The following SNX8 variants were observed in gnomAD, a reference collection of about 807,000 sequenced individuals.
SNX8 encodes sorting nexin 8.
SNX8 carries 25 observed loss-of-function variants against 51.6 expected under a neutral mutation model. The ratio of observed to expected loss-of-function variants is 0.48; its 90% CI spans 0.35 to 0.68. The LOEUF (loss-of-function observed/expected upper bound fraction) is 0.68. Ranked by LOEUF, SNX8 falls within the 30% of genes least tolerant of loss-of-function variation. The probability of loss-of-function intolerance (pLI) is 0.00; values close to 1 mark genes in which losing one functional copy is unlikely to be tolerated. For synonymous variants in SNX8, 324 were observed against 277.0 expected (o/e 1.17, Z -1.68); for missense variants, 695 against 624.0 (o/e 1.11, Z -1.21).
chr7:2,277,891 G>A (rs1383280961), intron 2 of SNX8, among the ~76,000 whole-genome samples: 1 of 152,058 alleles, frequency 6.6e-6, no homozygotes, highest in Non-Finnish European at 1.5e-5. Context: ...TGGGGACGTG[G>A]CTGGGCCAGA....
In SNX8 at chr7:2,253,916, C is replaced by T. The variant is rs56019648; in HGVS notation, c.*1140G>A. ...GCGGGCCTCTTCCAGCACCCCTCCC[C>T]GGCCAGGGAGGGGCGTCAGGCTCCG... On this transcript the variant is annotated 3_prime_UTR_variant, in exon 11 of 11. Transcript: ENST00000222990. 0.068 allele frequency: 10,403 copies of T among 151,986 alleles called. 1,201 individuals are homozygous for T. Among genetic ancestry groups the T allele is most frequent in the African/African-American group, 0.24 (9,754 of 41,458 alleles). 9.4% of individuals were successfully genotyped at this position (151,986 alleles called of 1,614,324 possible). A position where few individuals can be genotyped will look rare whatever the true frequency, so the allele number is the denominator to read the frequency against.
At chr7:2,351,379 C>T (rs2115255061) in intron 1 of SNX8, among the ~76,000 whole-genome samples, 1 of 152,210 alleles carries the variant, frequency 6.6e-6, no homozygotes, top group African/African-American at 2.4e-5. Context: ...TAGTGAGACC[C>T]CATCTCTACA....
intron 1 of SNX8, among the ~76,000 whole-genome samples, chr7:2,293,615 T>C (rs1372250856): frequency 1.3e-5 from 2 of 150,034 alleles, no homozygotes; most frequent in Non-Finnish European, 2.9e-5. Context: ...TGAGCCAAGA[T>C]AGCGCCATTG....
chr7:2,320,167 C>A (rs1796810825), intron 1 of SNX8, among the ~76,000 whole-genome samples: 1 of 151,870 alleles, frequency 6.6e-6, no homozygotes, highest in Non-Finnish European at 1.5e-5. Flanking sequence ...ACCAGCCTGA[C>A]CAACATGAAG....
intron 3 of SNX8, among the ~76,000 whole-genome samples, chr7:2,273,056 A>C (rs1795685743): frequency 6.6e-6 from 1 of 151,538 alleles, no homozygotes; most frequent in African/African-American, 2.4e-5. Context: ...CTGGTCTCGA[A>C]CTCCTGACCT....
intron 1 of SNX8, among the ~76,000 whole-genome samples, chr7:2,301,392 T>C: frequency 6.6e-6 from 1 of 152,196 alleles, no homozygotes; most frequent in East Asian, 1.9e-4. Flanking sequence ...CAGAGGCTTC[T>C]AGGCTTTGTC....
chr7:2,263,107 G>T, intron 7 of SNX8, 123 bp downstream of exon 7: 1 of 1,188,210 alleles, frequency 8.4e-7, no homozygotes, highest in Non-Finnish European at 1.2e-6. Context: ...AACAGAGGGA[G>T]ACTCCTTCTC....
rs1323068660 is a variant in SNX8, at chr7:2,252,270, G to C, written c.*2786C>G. 6.6e-6 allele frequency: 1 copy of C among 152,342 alleles called. No individual in the cohort carries two copies. Among genetic ancestry groups the C allele is most frequent in the Non-Finnish European group, 1.5e-5 (1 of 68,126 alleles). 9.4% of individuals were successfully genotyped at this position (152,342 alleles called of 1,614,324 possible). A position where few individuals can be genotyped will look rare whatever the true frequency, so the allele number is the denominator to read the frequency against. On this transcript the variant is annotated 3_prime_UTR_variant, in exon 11 of 11. Coordinates refer to ENST00000222990, the MANE Select transcript of SNX8 (RefSeq NM_013321.4). ...TAATGACCGGCACAAGCTTGGGCTT[G>C]GGCCGTGGGCAGCAGGAGGGCTGGA...
At chr7:2,313,566 A>G (rs1245350042) in intron 1 of SNX8, among the ~76,000 whole-genome samples, 2 of 151,874 alleles carry the variant, frequency 1.3e-5, no homozygotes, top group African/African-American at 4.8e-5. Context: ...GAAAAAAGAA[A>G]AAGACAGAAA....
In SNX8 at chr7:2,338,453, C is replaced by G. The variant is rs1562462763; in HGVS notation, c.-66+15769G>C. On this transcript the variant is annotated intron_variant, in intron 1 of 5. Coordinates refer to the SNX8 transcript ENST00000435336. ...CTCTAGCCTGGGCGACAGAGAGAGACTGTGTCTCAAAAAAAAAAAAAAAAT... is the reference window on the plus strand; with the variant it reads ...CTCTAGCCTGGGCGACAGAGAGAGAGTGTGTCTCAAAAAAAAAAAAAAAAT... Among the ~76,000 whole-genome samples the G allele has an allele frequency of 3.6e-5, 5 of 140,566 alleles. No homozygotes were observed. In the South Asian group the frequency reaches 9.5e-4, roughly 27 times the overall value. 92.2% of individuals were successfully genotyped at this position (140,566 alleles called of 152,430 possible). A position where few individuals can be genotyped will look rare whatever the true frequency, so the allele number is the denominator to read the frequency against.
intron 1 of SNX8, chr7:2,307,678 G>C (rs1796576858): frequency 6.7e-6 from 1 of 148,452 alleles, no homozygotes; most frequent in Admixed American, 6.8e-5. Flanking sequence ...GACAATGCTG[G>C]AGACCGACAG....
upstream of SNX8, among the ~76,000 whole-genome samples, chr7:2,314,948 G>T (rs1213625024): frequency 1.4e-5 from 2 of 144,232 alleles, no homozygotes; most frequent in African/African-American, 5.2e-5. Flanking sequence ...ACCGCATCCT[G>T]CATTCATCCA....
intron 7 of SNX8, among the ~76,000 whole-genome samples, chr7:2,262,235 T>C (rs1795353850): frequency 6.6e-6 from 1 of 152,114 alleles, no homozygotes; most frequent in South Asian, 2.1e-4. Flanking sequence ...AGATGAGATC[T>C]TGCTCTGTTG....
chr7:2,342,477 A>G lies in SNX8; in HGVS notation c.-66+11745T>C, dbSNP rs2038757817. Among the ~76,000 whole-genome samples, 4 of 152,176 alleles carry G rather than the reference A, an allele frequency of 2.6e-5. No individual in the cohort carries two copies. In the South Asian group the frequency reaches 8.3e-4, roughly 32 times the overall value. On this transcript the variant is annotated intron_variant, in intron 1 of 5. Transcript: ENST00000435336. ...AAGACCAGCCTGGCCAACATGGTGA[A>G]ACCCCGTCTGTACTAAAAAATACAA...
intron 2 of SNX8, among the ~76,000 whole-genome samples, chr7:2,277,364 C>T (rs1221435285): frequency 1.3e-5 from 2 of 152,192 alleles, no homozygotes; most frequent in Admixed American, 1.3e-4. Flanking sequence ...ATTGATCCTG[C>T]CATGCAAATT....
chr7:2,325,975 CTTATAAA>C (rs930465109), intron 1 of SNX8, among the ~76,000 whole-genome samples: 1 of 152,178 alleles, frequency 6.6e-6, no homozygotes, highest in African/African-American at 2.4e-5. Context: ...CAAAGCCAAA[CTTATAAA>C]TTATAAACTT....
intron 4 of SNX8, among the ~76,000 whole-genome samples, chr7:2,270,043 A>G (rs577602423): frequency 6.6e-6 from 1 of 152,242 alleles, no homozygotes; most frequent in African/African-American, 2.4e-5. Flanking sequence ...AAAACGCAAT[A>G]GAACAGGGCA....
At chr7:2,312,769 G>C (rs1796683222) in intron 1 of SNX8, among the ~76,000 whole-genome samples, 1 of 151,462 alleles carries the variant, frequency 6.6e-6, no homozygotes, top group African/African-American at 2.4e-5. Flanking sequence ...CCCCCACCAA[G>C]AAGAAACCGT....
At chr7:2,256,682 C>T (rs975063906) in intron 10 of SNX8, among the ~76,000 whole-genome samples, 192 bp downstream of exon 10, 2 of 152,210 alleles carry the variant, frequency 1.3e-5, no homozygotes, top group Non-Finnish European at 2.9e-5. Flanking sequence ...GACACCCTCA[C>T]GATTCTGATT....
Sources: allele counts gnomAD v4.1 joint callset (sites outside exome capture counted in the v4.1 genomes callset), GRCh38; gene constraint gnomAD v4.1.1; transcripts MANE v1.5; gene names NCBI Gene and HGNC (gene_info 2026-07-23, HGNC 2026-07-21).